PARN: variants seen among roughly 807,000 people sequenced by gnomAD.
The protein encoded by PARN is poly(A)-specific ribonuclease PARN.
In PARN, 71 loss-of-function variants were observed where a neutral mutation model predicts 102.8. That is an observed-to-expected ratio of 0.69 (90% CI 0.57 to 0.84). The LOEUF (loss-of-function observed/expected upper bound fraction) is 0.84, where lower values mean the gene tolerates loss of function less well. Among genes scored for constraint, PARN ranks in the 40% least tolerant of loss-of-function variants. PARN has a pLI of 0.00. For missense variants in PARN, 782 were observed against 760.9 expected (o/e 1.03, Z -0.33); for synonymous variants, 261 against 252.9 (o/e 1.03, Z -0.30).
intron 21 of PARN, among the ~76,000 whole-genome samples, chr16:14,511,755 G>C (rs760810542): frequency 1.3e-5 from 2 of 152,154 alleles, no homozygotes; most frequent in Admixed American, 6.5e-5. Flanking sequence ...GTCTGGAGTA[G>C]AGTGGCACGA....
intron 21 of PARN, among the ~76,000 whole-genome samples, chr16:14,490,646 C>T (rs946479973): frequency 6.6e-6 from 1 of 152,198 alleles, no homozygotes; most frequent in African/African-American, 2.4e-5. Flanking sequence ...ATGGCCTCTC[C>T]TTATTCCCCT....
rs767702074 is a variant in PARN at position 14,446,969 on chromosome 16, C to T, written c.1783G>A (p.Asp595Asn). The change falls in exon 23 of 24, where the codon GAT becomes AAT. Residue 595 changes from aspartate to asparagine, a missense_variant. By Grantham distance (23) the Asp-to-Asn change is conservative (BLOSUM62 1). Transcript: ENST00000437198. ...EISDTELEQT[D>N]SCAEPLSEGR... ...TCTGAGAGGGGCTCTGCACAGGAAT[C>T]GGTCTGCTCAAGCTCAGTGTCGGAA... The T allele has an allele frequency of 6.8e-6, 11 of 1,613,716 alleles. No homozygotes were observed. The highest frequency in any genetic ancestry group is 4.4e-5 in the South Asian group (4 of 91,064).
intron 13 of PARN, among the ~76,000 whole-genome samples, chr16:14,588,508 T>C (rs1335586911): frequency 2.0e-5 from 3 of 152,192 alleles, no homozygotes; most frequent in East Asian, 1.9e-4. Flanking sequence ...CCAAGCTCTA[T>C]TCAGTATTCG....
At chr16:14,537,742 A>G (rs1241738530) in intron 21 of PARN, among the ~76,000 whole-genome samples, 1 of 151,576 alleles carries the variant, frequency 6.6e-6, no homozygotes, top group Non-Finnish European at 1.5e-5. Flanking sequence ...GAGCTCAAGT[A>G]GAGAGTATAA....
At chr16:14,614,952 G>C (rs1476657048) in intron 6 of PARN, among the ~76,000 whole-genome samples, 1 of 150,906 alleles carries the variant, frequency 6.6e-6, no homozygotes, top group Non-Finnish European at 1.5e-5. Flanking sequence ...AGCCTGGCCA[G>C]AGGAAGACAA....
chr16:14,545,945 C>G lies in PARN; in HGVS notation c.1480+6076G>C, dbSNP rs11865931. On this transcript the variant is annotated intron_variant, in intron 21 of 23. Coordinates refer to ENST00000437198, the MANE Select transcript of PARN (RefSeq NM_002582.4). ...ACTGAGAAAAGAAGAGCAAAGTAAA[C>G]CCAAGCAAGTAAAAGGAGAAAAAAA... 8.0e-3 allele frequency among the ~76,000 whole-genome samples: 1,211 copies of G among 152,090 alleles called. 12 individuals carry two copies. The highest frequency in any genetic ancestry group is 0.027 in the African/African-American group (1,138 of 41,470).
At chr16:14,523,979 G>A (rs556688246) in intron 21 of PARN, among the ~76,000 whole-genome samples, 7 of 151,748 alleles carry the variant, frequency 4.6e-5, no homozygotes, top group Admixed American at 3.3e-4. Context: ...TACTGAATAC[G>A]GTAGGCAACT....
chr16:14,501,417 G>C (rs1244428257), intron 21 of PARN: 1 of 32,812 alleles, frequency 3.0e-5, no homozygotes, highest in Admixed American at 4.7e-4. Flanking sequence ...CTCCAGCCTG[G>C]GACAAAGCAA....
intron 21 of PARN, 25 bp downstream of exon 21, chr16:14,551,996 C>G: frequency 6.4e-7 from 1 of 1,560,668 alleles, no homozygotes; most frequent in Non-Finnish European, 8.8e-7. Context: ...ATTTAATACA[C>G]AAAACAGAAA....
At chr16:14,559,810 G>C (rs1190817862) in intron 18 of PARN, among the ~76,000 whole-genome samples, 1 of 152,124 alleles carries the variant, frequency 6.6e-6, no homozygotes, top group African/African-American at 2.4e-5. Context: ...CTGGGGTTTA[G>C]AGGGAACTGA....
intron 21 of PARN, among the ~76,000 whole-genome samples, chr16:14,546,961 C>T (rs937866921): frequency 6.6e-6 from 1 of 151,834 alleles, no homozygotes; most frequent in Non-Finnish European, 1.5e-5. Context: ...GGTGTGGTGG[C>T]GTGCACCTGT....
intron 18 of PARN, among the ~76,000 whole-genome samples, chr16:14,557,402 C>T (rs1324709904): frequency 6.6e-6 from 1 of 151,784 alleles, no homozygotes; most frequent in Non-Finnish European, 1.5e-5. Flanking sequence ...ACTAAAAATA[C>T]AAAAATTCGC....
At chr16:14,626,185 G>A (rs896612253) in intron 5 of PARN, among the ~76,000 whole-genome samples, 2 of 152,076 alleles carry the variant, frequency 1.3e-5, no homozygotes, top group African/African-American at 2.4e-5. Flanking sequence ...CCCCTTCTGC[G>A]CTTTCTCTTT....
intron 5 of PARN, among the ~76,000 whole-genome samples, chr16:14,626,859 C>T (rs1395914412): frequency 1.2e-4 from 18 of 151,980 alleles, no homozygotes; most frequent in Non-Finnish European, 1.0e-4. Flanking sequence ...CCTCATGATC[C>T]GCCCTCCCCG....
intron 21 of PARN, among the ~76,000 whole-genome samples, chr16:14,543,913 G>A (rs1021376091): frequency 6.6e-6 from 1 of 152,166 alleles, no homozygotes; most frequent in Non-Finnish European, 1.5e-5. Flanking sequence ...AGCAAAACCC[G>A]GCTGGGCACG....
chr16:14,554,631 T>C (rs1004468730), intron 19 of PARN, among the ~76,000 whole-genome samples: 2 of 151,716 alleles, frequency 1.3e-5, no homozygotes, highest in African/African-American at 4.8e-5. Context: ...TTTGTAGAGA[T>C]GGGGGTCTCG....
chr16:14,591,062 C>T (rs1262661477), intron 13 of PARN, among the ~76,000 whole-genome samples: 1 of 152,002 alleles, frequency 6.6e-6, no homozygotes, highest in Admixed American at 6.6e-5. Context: ...TCAGCTTGGA[C>T]AAAAGAGTGA....
chr16:14,559,567 A>G (rs1218489600), intron 18 of PARN, among the ~76,000 whole-genome samples: 1 of 151,620 alleles, frequency 6.6e-6, no homozygotes, highest in African/African-American at 2.4e-5. Flanking sequence ...AAACAATCCA[A>G]CGACACTCTA....
chr16:14,470,437 G>GATGATGATGATGATTATTATT (rs369121377), intron 22 of PARN, among the ~76,000 whole-genome samples: 1 of 147,152 alleles, frequency 6.8e-6, no homozygotes, highest in African/African-American at 2.5e-5. Context: ...GAGTTTGGAT[G>GATGATGATGATGATTATTATT]ATTATTATTA....
Sources: allele counts gnomAD v4.1 joint callset (sites outside exome capture counted in the v4.1 genomes callset), GRCh38; gene constraint gnomAD v4.1.1; transcripts MANE v1.5; gene names NCBI Gene and HGNC (gene_info 2026-07-23, HGNC 2026-07-21).